The following FAM241A variants were observed in gnomAD, a reference collection of about 807,000 sequenced individuals.
FAM241A encodes the protein family with sequence similarity 241 member A.
In FAM241A, 7 loss-of-function variants were observed where a neutral mutation model predicts 12.2. The observed-to-expected ratio is 0.58, with a 90% CI of 0.33 to 1.08. The LOEUF is 1.08. Among genes scored for constraint, FAM241A ranks in the 50% least tolerant of loss-of-function variants. FAM241A has a pLI of 0.04. For synonymous variants in FAM241A, 74 were observed against 68.2 expected, an observed-to-expected ratio of 1.08 and a Z score of -0.42; for missense variants, 161 against 169.7, an observed-to-expected ratio of 0.95 and a Z score of 0.29.
At chr4:112,177,962 T>C (rs762457777) in intron 1 of FAM241A, among the ~76,000 whole-genome samples, 1 of 152,180 alleles carries the variant, frequency 6.6e-6, no homozygotes, top group Non-Finnish European at 1.5e-5. Context: ...TTGCATAGTA[T>C]GTTATTGTAG....
chr4:112,146,080 G>A (rs1723131177), intron 1 of FAM241A, among the ~76,000 whole-genome samples: 1 of 152,184 alleles, frequency 6.6e-6, no homozygotes, highest in South Asian at 2.1e-4. Flanking sequence ...AGCCTCACTT[G>A]TAAACACTTC....
chr4:112,185,791 A>G (rs941454963), intron 1 of FAM241A, among the ~76,000 whole-genome samples: 8 of 152,132 alleles, frequency 5.3e-5, no homozygotes, highest in African/African-American at 1.7e-4. Flanking sequence ...AAAACCCCCA[A>G]ATTGCAATCA....
intron 1 of FAM241A, among the ~76,000 whole-genome samples, chr4:112,174,440 T>G (rs1723781351): frequency 6.6e-6 from 1 of 152,114 alleles, no homozygotes; most frequent in African/African-American, 2.4e-5. Flanking sequence ...AGTGAAGAGC[T>G]CCATAGATTT....
chr4:112,163,872 C>T (rs1390852094), intron 1 of FAM241A, among the ~76,000 whole-genome samples: 1 of 152,120 alleles, frequency 6.6e-6, no homozygotes, highest in African/African-American at 2.4e-5. Context: ...CCCAAGTGTC[C>T]ATCAGTGATA....
rs930475860 is a variant in FAM241A, at chr4:112,164,621, G to GA, written c.153+18896dup. ...ATAATTTTAAAAAATAAAATAAAAT[G>GA]AAAAAAAAGCTTCTGCACAGCAAAA... On this transcript the variant is annotated intron_variant, in intron 1 of 1. Transcript: ENST00000309733. Among the ~76,000 whole-genome samples, 59 of 151,324 alleles carry GA rather than the reference G, an allele frequency of 3.9e-4. No homozygotes were observed. The East Asian group carries it at 4.3e-3, about 11-fold the overall frequency.
chr4:112,173,179 A>G (rs1253437165), intron 1 of FAM241A, among the ~76,000 whole-genome samples: 1 of 152,138 alleles, frequency 6.6e-6, no homozygotes, highest in East Asian at 1.9e-4. Context: ...GTGAGCCACT[A>G]TGCCCAGCCC....
intron 1 of FAM241A, among the ~76,000 whole-genome samples, chr4:112,152,354 A>C (rs1355819169): frequency 6.6e-6 from 1 of 152,204 alleles, no homozygotes; most frequent in Non-Finnish European, 1.5e-5. Context: ...TCTGGCACAA[A>C]ATTTCAATAG....
chr4:112,171,665 C>G (rs901041052), intron 1 of FAM241A: 2 of 457,164 alleles, frequency 4.4e-6, no homozygotes, highest in Non-Finnish European at 8.0e-6. Flanking sequence ...CGAGACTATC[C>G]TGGCTAACAC....
chr4:112,171,804 A>G (rs1341836750), intron 1 of FAM241A, among the ~76,000 whole-genome samples: 1 of 152,190 alleles, frequency 6.6e-6, no homozygotes, highest in Non-Finnish European at 1.5e-5. Flanking sequence ...GGTTGCAGTG[A>G]GCCGAGATCG....
rs558481421 is a variant in FAM241A, at chr4:112,161,487, A to G, written c.153+15754A>G. ...AAAATGATAAAGGGGTATCACCACCAATCCCACGGAAATACAAACTACCAT... is the reference window on the plus strand; with the variant it reads ...AAAATGATAAAGGGGTATCACCACCGATCCCACGGAAATACAAACTACCAT... On this transcript the variant is annotated intron_variant, in intron 1 of 1. Coordinates refer to ENST00000309733, the MANE Select transcript of FAM241A (RefSeq NM_152400.3). Among the ~76,000 whole-genome samples the G allele has an allele frequency of 7.2e-5, 11 of 152,302 alleles. No homozygotes were observed. In the East Asian group the frequency reaches 2.1e-3, roughly 29 times the overall value.
At chr4:112,168,507 T>G (rs933804320) in intron 1 of FAM241A, among the ~76,000 whole-genome samples, 1 of 152,208 alleles carries the variant, frequency 6.6e-6, no homozygotes, top group South Asian at 2.1e-4. Flanking sequence ...ACAATAAATA[T>G]AAATGGCATT....
chr4:112,193,338 G>A lies in FAM241A; in HGVS notation c.*6400G>A, dbSNP rs1724203542. ...TGGTAGTTTCTTTTGCTGTGCAGAAGCTCTTGAGTTGAATTAGATCCCATT... is the reference window on the plus strand; with the variant it reads ...TGGTAGTTTCTTTTGCTGTGCAGAAACTCTTGAGTTGAATTAGATCCCATT... On this transcript the variant is annotated 3_prime_UTR_variant, in exon 2 of 2. Transcript: ENST00000309733. 1.3e-5 allele frequency: 2 copies of A among 152,106 alleles called. No homozygotes were observed. The highest frequency in any genetic ancestry group is 4.8e-5 in the African/African-American group (2 of 41,370). The allele number at this position is 152,106 out of a possible 1,614,324, so 9.4% of individuals were successfully genotyped here. A position where few individuals can be genotyped will look rare whatever the true frequency, so the allele number is the denominator to read the frequency against.
chr4:112,164,957 A>C (rs572789200), intron 1 of FAM241A, among the ~76,000 whole-genome samples: 1 of 152,110 alleles, frequency 6.6e-6, no homozygotes, highest in Non-Finnish European at 1.5e-5. Context: ...CAAAAAATAC[A>C]AAAAAACTAG....
At chr4:112,165,549 T>A (rs755955442) in intron 1 of FAM241A, among the ~76,000 whole-genome samples, 1 of 152,224 alleles carries the variant, frequency 6.6e-6, no homozygotes, top group Non-Finnish European at 1.5e-5. Context: ...GTGGTACTTA[T>A]ACCCAAGGGA....
intron 1 of FAM241A, among the ~76,000 whole-genome samples, chr4:112,163,194 A>T (rs1401296760): frequency 3.3e-5 from 5 of 152,366 alleles, no homozygotes; most frequent in African/African-American, 1.2e-4. Context: ...TAGACCTAAA[A>T]CCATAAAAAC....
At position 112,195,142 on chromosome 4, in the gene FAM241A, T is replaced by C. The variant is rs1724244173; in HGVS notation, c.*8204T>C. The C allele has an allele frequency of 6.6e-6, 1 of 152,226 alleles. No individual in the cohort carries two copies. Among genetic ancestry groups the C allele is most frequent in the South Asian group, 2.1e-4 (1 of 4,830 alleles). The allele number at this position is 152,226 out of a possible 1,614,324, so 9.4% of individuals were successfully genotyped here. On this transcript the variant is annotated 3_prime_UTR_variant, in exon 2 of 2. Coordinates refer to ENST00000309733, the MANE Select transcript of FAM241A (RefSeq NM_152400.3). ...GAAATTCTCAAGTATCGAAGCGTGG[T>C]GTTTTAGGCTCCAGAAGAAATCCAC...
At chr4:112,146,487 G>A (rs1036810252) in intron 1 of FAM241A, among the ~76,000 whole-genome samples, 7 of 152,164 alleles carry the variant, frequency 4.6e-5, no homozygotes, top group Non-Finnish European at 1.0e-4. Flanking sequence ...TAGGCAAAAG[G>A]TTTAATTTTA....
At chr4:112,163,347 G>C (rs1021632978) in intron 1 of FAM241A, among the ~76,000 whole-genome samples, 4 of 152,150 alleles carry the variant, frequency 2.6e-5, no homozygotes, top group African/African-American at 9.7e-5. Flanking sequence ...CACAGCAAAA[G>C]AAACTACCAT....
At chr4:112,167,122 AAAAAAT>A (rs1723615225) in intron 1 of FAM241A, among the ~76,000 whole-genome samples, 1 of 150,954 alleles carries the variant, frequency 6.6e-6, no homozygotes, top group Non-Finnish European at 1.5e-5. Flanking sequence ...TCAAAAAAAA[AAAAAAT>A]AAAAATAAAA....
Sources: allele counts gnomAD v4.1 joint callset (sites outside exome capture counted in the v4.1 genomes callset), GRCh38; gene constraint gnomAD v4.1.1; transcripts MANE v1.5; gene names NCBI Gene and HGNC (gene_info 2026-07-23, HGNC 2026-07-21).